Variants in TAPT1 observed in about 807,000 individuals in gnomAD.
TAPT1 encodes the protein transmembrane anterior posterior transformation 1.
TAPT1 carries 28 observed loss-of-function variants against 65.6 expected under a neutral mutation model. The observed-to-expected ratio is 0.43, with a 90% CI of 0.32 to 0.59. The LOEUF (loss-of-function observed/expected upper bound fraction) is 0.59, where lower values mean the gene tolerates loss of function less well. Ranked by LOEUF, TAPT1 falls within the 20% of genes least tolerant of loss-of-function variation. The pLI is 0.09. For missense variants in TAPT1, 563 were observed against 679.9 expected (o/e 0.83, Z 1.91); for synonymous variants, 278 against 245.2 (o/e 1.13, Z -1.25).
At chr4:16,204,346 G>C (rs1283012527) in intron 2 of TAPT1, among the ~76,000 whole-genome samples, 1 of 152,244 alleles carries the variant, frequency 6.6e-6, no homozygotes, top group African/African-American at 2.4e-5. Flanking sequence ...CTTTGCAGAA[G>C]AGTATACGAG....
At chr4:16,170,540 G>A (rs1370579507) in intron 12 of TAPT1, 113 bp downstream of exon 12, 22 of 662,610 alleles carry the variant, frequency 3.3e-5, no homozygotes, top group Non-Finnish European at 5.7e-5. Flanking sequence ...GCTGTTGAAT[G>A]GAAACCCCTG....
chr4:16,171,592 T>C (rs1747992482), intron 11 of TAPT1, among the ~76,000 whole-genome samples: 1 of 152,188 alleles, frequency 6.6e-6, no homozygotes, highest in Non-Finnish European at 1.5e-5. Flanking sequence ...TTAAAAATGC[T>C]TTTAATAAAA....
intron 8 of TAPT1, among the ~76,000 whole-genome samples, chr4:16,177,819 GT>G (rs113909054): frequency 0.46 from 68,921 of 148,702 alleles, 17,047 homozygotes; most frequent in African/African-American, 0.66. Flanking sequence ...CACTTTGTTG[GT>G]TTTTTTTTTT....
At chr4:16,217,280 C>T (rs1750995262) in intron 1 of TAPT1, among the ~76,000 whole-genome samples, 1 of 152,128 alleles carries the variant, frequency 6.6e-6, no homozygotes, top group Non-Finnish European at 1.5e-5. Flanking sequence ...CAGCACATAA[C>T]AGGTACTCAA....
chr4:16,182,153 AT>A (rs749517377), intron 7 of TAPT1, among the ~76,000 whole-genome samples: 2 of 152,224 alleles, frequency 1.3e-5, no homozygotes, highest in African/African-American at 2.4e-5. Context: ...CATAGACATT[AT>A]AAAATCAAGA....
chr4:16,194,494 C>T (rs7657191), intron 3 of TAPT1, among the ~76,000 whole-genome samples: 45,157 of 152,002 alleles, frequency 0.3, 7,113 homozygotes, highest in Middle Eastern at 0.37. Context: ...TAAAACAGAA[C>T]TTCTAAACTT....
At chr4:16,206,182 C>A (rs28496446) in intron 2 of TAPT1, among the ~76,000 whole-genome samples, 26,776 of 152,158 alleles carry the variant, frequency 0.18, 4,749 homozygotes, top group African/African-American at 0.46. Flanking sequence ...AGATGGCCAA[C>A]AAAGGGATTA....
At chr4:16,206,622 C>T (rs1378490801) in intron 2 of TAPT1, among the ~76,000 whole-genome samples, 3 of 151,764 alleles carry the variant, frequency 2.0e-5, no homozygotes, top group African/African-American at 7.3e-5. Context: ...GTGGTCAGCA[C>T]GAAGCACCAC....
intron 12 of TAPT1, 75 bp downstream of exon 12, chr4:16,170,578 A>G: frequency 1.9e-6 from 2 of 1,046,368 alleles, no homozygotes; most frequent in South Asian, 2.8e-5. Context: ...TATGATTGGG[A>G]TGCTACTAAC....
At chr4:16,211,745 T>C (rs924706595) in intron 2 of TAPT1, among the ~76,000 whole-genome samples, 2 of 152,312 alleles carry the variant, frequency 1.3e-5, no homozygotes, top group South Asian at 4.1e-4. Context: ...ATTCTTAGTA[T>C]AGGCAATGTT....
In TAPT1 at chr4:16,184,134, AAAG is replaced by A. The variant is rs528850899; in HGVS notation, c.916+2398_916+2400del. ...TTGAGACACCAAGCCCTTAATACAG[AAAG>A]AAGTTCCATCATCCAGAAAGCTCCT... On this transcript the variant is annotated intron_variant, in intron 7 of 13. Transcript: ENST00000405303. Among the ~76,000 whole-genome samples the A allele has an allele frequency of 2.9e-3, 442 of 152,344 alleles. 3 individuals carry two copies. Among genetic ancestry groups the A allele is most frequent in the Non-Finnish European group, 4.2e-3 (285 of 68,028 alleles).
At chr4:16,174,817 A>G in intron 9 of TAPT1, 88 bp from the exon 10 acceptor site, 1 of 948,982 alleles carries the variant, frequency 1.1e-6, no homozygotes, top group Non-Finnish European at 1.5e-6. Context: ...AAAACATTTA[A>G]TAATTAACCA....
rs1170829437 is a variant in TAPT1, at chr4:16,161,516, G to A, written c.*1792C>T. On this transcript the variant is annotated 3_prime_UTR_variant, in exon 14 of 14. Transcript: ENST00000405303. ...ATGTTCCTGCTCTGAAATCAGGGTT[G>A]TGTTTGGCAAAGCTTTCCCCAAACT... The A allele has an allele frequency of 6.6e-6, 1 of 152,590 alleles. No homozygotes were observed. Among genetic ancestry groups the A allele is most frequent in the Non-Finnish European group, 1.5e-5 (1 of 68,032 alleles). The allele number at this position is 152,590 out of a possible 1,614,324, so 9.5% of individuals were successfully genotyped here.
Position 16,204,643 on chromosome 4 carries a change from G to T in TAPT1, c.331-2063C>A, listed in dbSNP as rs1000250489. ...TTCAGAAGCCTTCTACAGGTTCTGGGCAACGCAACCGGGCACTGGCCAGGT... is the reference window on the plus strand; with the variant it reads ...TTCAGAAGCCTTCTACAGGTTCTGGTCAACGCAACCGGGCACTGGCCAGGT... On this transcript the variant is annotated intron_variant, in intron 2 of 13. Coordinates refer to ENST00000405303, the MANE Select transcript of TAPT1 (RefSeq NM_153365.3). 2.0e-5 allele frequency among the ~76,000 whole-genome samples: 3 copies of T among 152,330 alleles called. No homozygotes were observed. In the East Asian group the frequency reaches 5.8e-4, roughly 29 times the overall value.
At position 16,176,130 on chromosome 4, in the gene TAPT1, T is replaced by C; in HGVS notation, c.1096A>G (p.Ile366Val). Residue 366 changes from isoleucine to valine, a missense_variant, in exon 9 of 14, where the codon ATT becomes GTT. Transcript: ENST00000405303. Reference sequence around the variant, plus strand: ...ATCAAAATACATACATCTGCAGTAATGTCATTGAATTTAGTAATAAAGGCA... The same window carrying C: ...ATCAAAATACATACATCTGCAGTAACGTCATTGAATTTAGTAATAAAGGCA... The part of the protein sequence containing the change: ...KHAFITKFND[I>V]TADVYSEYRA... 6.6e-7 allele frequency: 1 copy of C among 1,513,774 alleles called. No individual in the cohort carries two copies. Among genetic ancestry groups the C allele is most frequent in the Non-Finnish European group, 9.0e-7 (1 of 1,113,198 alleles). 93.8% of individuals were successfully genotyped at this position (1,513,774 alleles called of 1,614,324 possible).
chr4:16,175,012 A>G lies in TAPT1; in HGVS notation c.1108-283T>C, dbSNP rs317878. 109,692 of 241,228 alleles carry G rather than the reference A, an allele frequency of 0.45. 26,572 individuals carry two copies. The highest frequency in any genetic ancestry group is 0.67 in the African/African-American group (29,803 of 44,638). The allele number at this position is 241,228 out of a possible 1,614,324, so 14.9% of individuals were successfully genotyped here. A position where few individuals can be genotyped will look rare whatever the true frequency, so the allele number is the denominator to read the frequency against. The stretch of plus-strand genomic sequence containing the variant: ...TCCTGAGAGTTTAGAATTTGGGGAA[A>G]AGTGACTATTTTAAGTAGTGTAATG... On this transcript the variant is annotated intron_variant, in intron 9 of 13. Transcript: ENST00000405303.
rs770653717 is a variant in TAPT1, at chr4:16,179,704, C to A, written c.917-47G>T. The A allele has an allele frequency of 2.0e-5, 19 of 941,958 alleles. No individual in the cohort carries two copies. The South Asian group carries it at 2.8e-4, about 14-fold the overall frequency. The allele number at this position is 941,958 out of a possible 1,614,324, so 58.3% of individuals were successfully genotyped here. On this transcript the variant is annotated intron_variant, in intron 7 of 13. Coordinates refer to ENST00000405303, the MANE Select transcript of TAPT1 (RefSeq NM_153365.3). ...TAAGTACTGTAGTGTATATAAACAACATAATAAAGTACATATATAATTATT... is the reference window on the plus strand; with the variant it reads ...TAAGTACTGTAGTGTATATAAACAAAATAATAAAGTACATATATAATTATT...
At chr4:16,178,670 GA>G (rs1445137636) in intron 8 of TAPT1, among the ~76,000 whole-genome samples, 2 of 152,166 alleles carry the variant, frequency 1.3e-5, no homozygotes, top group Non-Finnish European at 2.9e-5. Context: ...CTTGTGCCTA[GA>G]AACTAGCATA....
chr4:16,225,624 C>G (rs1444837418), intron 1 of TAPT1, among the ~76,000 whole-genome samples: 1 of 152,076 alleles, frequency 6.6e-6, no homozygotes, highest in East Asian at 1.9e-4. Flanking sequence ...ACGTTTAAAA[C>G]TGGTCATTGA....
Sources: allele counts gnomAD v4.1 joint callset (sites outside exome capture counted in the v4.1 genomes callset), GRCh38; gene constraint gnomAD v4.1.1; transcripts MANE v1.5; gene names NCBI Gene and HGNC (gene_info 2026-07-23, HGNC 2026-07-21).